The following DPY19L4 variants were observed in gnomAD, a reference collection of about 807,000 sequenced individuals.
DPY19L4 encodes the protein dpy-19 like 4.
DPY19L4 carries 97 observed loss-of-function variants against 102.8 expected under a neutral mutation model. The ratio of observed to expected loss-of-function variants is 0.94; its 90% CI spans 0.80 to 1.12. DPY19L4 has a LOEUF of 1.12. Among genes scored for constraint, DPY19L4 ranks in the 50% most tolerant of loss-of-function variants. The pLI is 0.00. For synonymous variants in DPY19L4, 252 were observed against 283.1 expected (o/e 0.89, Z 1.10); for missense variants, 815 against 850.4 (o/e 0.96, Z 0.52).
At chr8:94,755,559 G>A (rs1319455409) in intron 6 of DPY19L4, among the ~76,000 whole-genome samples, 1 of 152,166 alleles carries the variant, frequency 6.6e-6, no homozygotes, top group Non-Finnish European at 1.5e-5. Context: ...CGGGGGCTGG[G>A]GGTGAGACCC....
Position 94,763,391 on chromosome 8 carries a change from A to G in DPY19L4, c.870+1557A>G, listed in dbSNP as rs541768365. ...GGTCTCACTCCGTCACCCAGGCTGG[A>G]GTGCAGTGGCTCAATCACAGCTCAC... is the stretch of plus-strand genomic sequence containing the variant. On this transcript the variant is annotated intron_variant, in intron 8 of 18. Coordinates refer to ENST00000414645, the MANE Select transcript of DPY19L4 (RefSeq NM_181787.3). 1.5e-4 allele frequency among the ~76,000 whole-genome samples: 22 copies of G among 150,122 alleles called. 1 individual carries two copies. Among genetic ancestry groups the G allele is most frequent in the African/African-American group, 4.7e-4 (19 of 40,760 alleles).
rs1319465295 is a variant in DPY19L4, at chr8:94,739,720, G to C, written c.541G>C (p.Val181Leu). 1 of 1,613,444 alleles carries C rather than the reference G, an allele frequency of 6.2e-7. No individual in the cohort carries two copies. The highest frequency in any genetic ancestry group is 1.3e-5 in the African/African-American group (1 of 74,898). Residue 181 changes from valine to leucine, a missense_variant, in exon 6 of 19, where the codon GTT becomes CTT. Transcript: ENST00000414645. The part of the protein sequence containing the change: ...LQGIYVTALF[V>L]TSWLMSGTWL... ...AGGAATATATGTTACTGCTTTATTT[G>C]TTACAAGTTGGCTTATGAGTGGAAC...
At chr8:94,740,590 G>T (rs1015097479) in intron 6 of DPY19L4, among the ~76,000 whole-genome samples, 1 of 152,068 alleles carries the variant, frequency 6.6e-6, no homozygotes, top group African/African-American at 2.4e-5. Context: ...GAGTAGCTGG[G>T]ACTACAGGCG....
chr8:94,765,842 C>G (rs1812650144), intron 10 of DPY19L4, 33 bp downstream of exon 10: 2 of 1,267,904 alleles, frequency 1.6e-6, no homozygotes, highest in Non-Finnish European at 2.2e-6. Context: ...TATAGTAAAA[C>G]AAAATGAATA....
intron 7 of DPY19L4, 112 bp from the exon 8 acceptor site, chr8:94,761,588 T>C (rs1368062441): frequency 5.2e-6 from 5 of 966,494 alleles, no homozygotes; most frequent in South Asian, 7.9e-5. Context: ...TCAATAATTA[T>C]ATAGCTTAAA....
intron 2 of DPY19L4, among the ~76,000 whole-genome samples, chr8:94,731,590 T>A (rs1392232430): frequency 1.3e-5 from 2 of 152,116 alleles, no homozygotes; most frequent in Non-Finnish European, 2.9e-5. Context: ...CAGTTTTGTA[T>A]TTTTAGTAGA....
Position 94,756,085 on chromosome 8 carries a change from G to C in DPY19L4, c.661G>C (p.Ala221Pro), listed in dbSNP as rs751614882. 5.0e-6 allele frequency: 8 copies of C among 1,613,376 alleles called. No individual in the cohort carries two copies. The African/African-American group carries it at 8.0e-5, about 16-fold the overall frequency. ...CTCCATTCCTTTAAGAGAAAACTGG[G>C]CACTACCATATTTTGCATGCCAAAT... ...EYSIPLRENWALPYFACQIAA... is the reference protein window; with the variant it reads ...EYSIPLRENWPLPYFACQIAA... Residue 221 changes from alanine to proline, a missense_variant, in exon 7 of 19, where the codon GCA (alanine) becomes CCA (proline). Transcript: ENST00000414645.
chr8:94,784,760 A>G (rs890516105), intron 17 of DPY19L4, among the ~76,000 whole-genome samples: 1 of 152,208 alleles, frequency 6.6e-6, no homozygotes, highest in East Asian at 1.9e-4. Context: ...AAGGCTGTCA[A>G]TTAATGTCTT....
Position 94,719,932 on chromosome 8 carries a change from C to A in DPY19L4, c.-67C>A. 1.4e-6 allele frequency: 2 copies of A among 1,447,436 alleles called. No homozygotes were observed. Among genetic ancestry groups the A allele is most frequent in the Non-Finnish European group, 1.8e-6 (2 of 1,094,844 alleles). The allele number at this position is 1,447,436 out of a possible 1,614,324, so 89.7% of individuals were successfully genotyped here. A position where few individuals can be genotyped will look rare whatever the true frequency, so the allele number is the denominator to read the frequency against. On this transcript the variant is annotated 5_prime_UTR_variant, in exon 1 of 19. Transcript: ENST00000414645. Reference sequence around the variant, plus strand: ...GGCCCCCGGAGGCCGAGGGGTTCGGCGACGCGGAGGGAGGGAGAGTCTGGG... The same window carrying A: ...GGCCCCCGGAGGCCGAGGGGTTCGGAGACGCGGAGGGAGGGAGAGTCTGGG...
At chr8:94,773,471 G>C in intron 13 of DPY19L4, among the ~76,000 whole-genome samples, 1 of 150,998 alleles carries the variant, frequency 6.6e-6, no homozygotes, top group East Asian at 2.0e-4. Flanking sequence ...AGTCTTTGTC[G>C]CCCAGGCTGG....
chr8:94,774,578 T>C (rs1449744598), intron 13 of DPY19L4, among the ~76,000 whole-genome samples: 1 of 148,538 alleles, frequency 6.7e-6, no homozygotes, highest in Non-Finnish European at 1.5e-5. Context: ...TCCACTTCTT[T>C]CTTTTTTTTT....
In DPY19L4 at chr8:94,765,249, C is replaced by T. The variant is rs1353795615; in HGVS notation, c.937C>T (p.Pro313Ser). ...FLGYLLQFENPALLVSPLLSL... is the reference protein window; with the variant it reads ...FLGYLLQFENSALLVSPLLSL... ...GGGATATTTACTACAGTTTGAGAAT[C>T]CAGCTTTGTTGGTATCTCCTTTATT... The change falls in exon 9 of 19, where the codon CCA (proline) becomes TCA (serine). Residue 313 changes from proline (P) to serine (S), a missense_variant. Physicochemically the swap from Pro to Ser is moderately conservative, Grantham distance 74. Transcript: ENST00000414645. The T allele has an allele frequency of 6.2e-7, 1 of 1,609,890 alleles. No individual in the cohort carries two copies. Among genetic ancestry groups the T allele is most frequent in the South Asian group, 1.1e-5 (1 of 89,564 alleles).
chr8:94,726,320 A>G lies in DPY19L4; in HGVS notation c.17-11A>G. On this transcript the variant is annotated splice_polypyrimidine_tract_variant and intron_variant, in intron 1 of 18. Coordinates refer to ENST00000414645, the MANE Select transcript of DPY19L4 (RefSeq NM_181787.3). ...ATACACACATTGCAATAATGTCTTA[A>G]ATATTTTAAGGACCACCTGTAGAGC... is the stretch of plus-strand genomic sequence containing the variant. The G allele has an allele frequency of 6.3e-7, 1 of 1,587,656 alleles. No individual in the cohort carries two copies. The highest frequency in any genetic ancestry group is 8.5e-7 in the Non-Finnish European group (1 of 1,172,514).
chr8:94,789,651 G>A, intron 18 of DPY19L4, 95 bp from the exon 19 acceptor site: 2 of 1,138,378 alleles, frequency 1.8e-6, no homozygotes, highest in Admixed American at 5.3e-5. Flanking sequence ...GCAATAATGT[G>A]TTTTTTCATA....
chr8:94,753,606 C>T (rs969954025), intron 6 of DPY19L4, among the ~76,000 whole-genome samples: 2 of 152,144 alleles, frequency 1.3e-5, no homozygotes, highest in Non-Finnish European at 2.9e-5. Context: ...AGTGCGGTGG[C>T]TCAAGCCTGT....
intron 3 of DPY19L4, 105 bp downstream of exon 3, chr8:94,734,859 C>A: frequency 2.1e-6 from 3 of 1,446,840 alleles, no homozygotes; most frequent in Non-Finnish European, 2.8e-6. Flanking sequence ...CTATTAGGAA[C>A]AAAATGCTCC....
rs772341363 is a variant in DPY19L4, at chr8:94,791,414, T to G, written c.*1504T>G. The G allele has an allele frequency of 6.6e-6, 1 of 152,186 alleles. No individual in the cohort carries two copies. Among genetic ancestry groups the G allele is most frequent in the Non-Finnish European group, 1.5e-5 (1 of 68,000 alleles). The allele number at this position is 152,186 out of a possible 1,614,324, so 9.4% of individuals were successfully genotyped here. On this transcript the variant is annotated 3_prime_UTR_variant, in exon 19 of 19. Coordinates refer to ENST00000414645, the MANE Select transcript of DPY19L4 (RefSeq NM_181787.3). ...TTTGATGGTGATGTCATATATCTGA[T>G]AGATTAGTTTCAGTGGTTCTCATTT...
At position 94,786,512 on chromosome 8, in the gene DPY19L4, T is replaced by C. The variant is rs369494021; in HGVS notation, c.1849-1382T>C. Among the ~76,000 whole-genome samples, 4 of 152,078 alleles carry C rather than the reference T, an allele frequency of 2.6e-5. No homozygotes were observed. The South Asian group carries it at 6.2e-4, about 24-fold the overall frequency. ...TCTGGTACGGTATGGATTTAAATGGTAACTTCATATCTGAAAGCAATGATG... is the reference window on the plus strand; with the variant it reads ...TCTGGTACGGTATGGATTTAAATGGCAACTTCATATCTGAAAGCAATGATG... On this transcript the variant is annotated intron_variant, in intron 17 of 18. Coordinates refer to ENST00000414645, the MANE Select transcript of DPY19L4 (RefSeq NM_181787.3).
chr8:94,792,876 A>G lies in DPY19L4; in HGVS notation c.*2966A>G, dbSNP rs1490767488. 6.6e-6 allele frequency: 1 copy of G among 152,164 alleles called. No individual in the cohort carries two copies. The highest frequency in any genetic ancestry group is 1.5e-5 in the Non-Finnish European group (1 of 68,074). The allele number at this position is 152,164 out of a possible 1,614,324, so 9.4% of individuals were successfully genotyped here. A position where few individuals can be genotyped will look rare whatever the true frequency, so the allele number is the denominator to read the frequency against. On this transcript the variant is annotated 3_prime_UTR_variant, in exon 19 of 19. Transcript: ENST00000414645. Reference sequence around the variant, plus strand: ...TCTCAAAAAGAAAAAAAAAGTAGAGATGGGATCTCTAGCCTCCTAAGTTAA... The same window carrying G: ...TCTCAAAAAGAAAAAAAAAGTAGAGGTGGGATCTCTAGCCTCCTAAGTTAA...
Sources: allele counts gnomAD v4.1 joint callset (sites outside exome capture counted in the v4.1 genomes callset), GRCh38; gene constraint gnomAD v4.1.1; transcripts MANE v1.5; gene names NCBI Gene and HGNC (gene_info 2026-07-23, HGNC 2026-07-21).